Variants in SETBP1 observed in about 807,000 individuals in gnomAD.
The protein encoded by SETBP1 is SET binding protein 1.
In SETBP1, 9 loss-of-function variants were observed where a neutral mutation model predicts 101.0. The observed-to-expected ratio is 0.09, with a 90% CI of 0.05 to 0.16. SETBP1 has a LOEUF of 0.16. Ranked by LOEUF, SETBP1 falls within the 10% of genes least tolerant of loss-of-function variation. The pLI is 1.00. For missense variants in SETBP1, 1,858 were observed against 2,033.8 expected, an observed-to-expected ratio of 0.91 and a Z score of 1.66; for synonymous variants, 818 against 788.5, an observed-to-expected ratio of 1.04 and a Z score of -0.63.
At chr18:44,857,527 C>T (rs1036766100) in intron 2 of SETBP1, among the ~76,000 whole-genome samples, 1 of 136,172 alleles carries the variant, frequency 7.3e-6, no homozygotes, top group Non-Finnish European at 1.6e-5. Context: ...CAAAAGTGAA[C>T]ATTGCCAGTC....
intron 1 of SETBP1, among the ~76,000 whole-genome samples, chr18:44,689,842 G>A (rs1046913866): frequency 1.7e-4 from 26 of 152,334 alleles, no homozygotes; most frequent in African/African-American, 6.3e-4. Flanking sequence ...CAGCAAGACA[G>A]ATGGGATGGT....
At chr18:44,949,357 G>A (rs759053347) in intron 3 of SETBP1, among the ~76,000 whole-genome samples, 3 of 152,212 alleles carry the variant, frequency 2.0e-5, no homozygotes, top group South Asian at 2.1e-4. Flanking sequence ...ACTGGAACAG[G>A]AGGAAGCGAG....
intron 2 of SETBP1, among the ~76,000 whole-genome samples, chr18:44,801,640 T>C (rs2071610233): frequency 6.6e-6 from 1 of 152,222 alleles, no homozygotes; most frequent in Non-Finnish European, 1.5e-5. Flanking sequence ...GGACCATTCA[T>C]GGTTGAATGA....
At chr18:44,831,420 T>G (rs935439492) in intron 2 of SETBP1, among the ~76,000 whole-genome samples, 1 of 152,226 alleles carries the variant, frequency 6.6e-6, no homozygotes, top group Admixed American at 6.5e-5. Flanking sequence ...TTGCTGACCT[T>G]TTCTTCCTTT....
At chr18:44,927,721 T>G (rs1651686976) in intron 3 of SETBP1, among the ~76,000 whole-genome samples, 1 of 152,160 alleles carries the variant, frequency 6.6e-6, no homozygotes, top group African/African-American at 2.4e-5. Flanking sequence ...CAGTGACCTC[T>G]CCCAGACCTG....
intron 5 of SETBP1, among the ~76,000 whole-genome samples, chr18:45,060,802 G>A (rs1296356304): frequency 1.3e-5 from 2 of 151,920 alleles, no homozygotes; most frequent in African/African-American, 4.8e-5. Flanking sequence ...ATTTATTTTG[G>A]CATTTCATTT....
chr18:45,046,998 G>C (rs1464772095), intron 5 of SETBP1, among the ~76,000 whole-genome samples: 1 of 152,210 alleles, frequency 6.6e-6, no homozygotes, highest in Non-Finnish European at 1.5e-5. Flanking sequence ...TGACAGGTTT[G>C]AAAGTGCTGT....
At chr18:44,948,236 G>A (rs1030949070) in intron 3 of SETBP1, among the ~76,000 whole-genome samples, 1 of 152,100 alleles carries the variant, frequency 6.6e-6, no homozygotes, top group Non-Finnish European at 1.5e-5. Context: ...TTCACTTGAG[G>A]AAACTATCTC....
intron 3 of SETBP1, among the ~76,000 whole-genome samples, chr18:44,911,978 C>A (rs1039343225): frequency 1.3e-5 from 2 of 151,958 alleles, no homozygotes; most frequent in African/African-American, 4.8e-5. Context: ...AACTTCAAGG[C>A]AGTAGGTGAC....
chr18:44,952,461 C>G lies in SETBP1; in HGVS notation c.3121C>G (p.Pro1041Ala). 1 of 1,614,072 alleles carries G rather than the reference C, an allele frequency of 6.2e-7. No homozygotes were observed. Among genetic ancestry groups the G allele is most frequent in the African/African-American group, 1.3e-5 (1 of 75,016 alleles). ...KVPFLQGFSY[P>A]IPSGSYYAPY... Reference sequence around the variant, plus strand: ...GCCTTTTTTACAAGGGTTCAGCTACCCTATTCCCAGTGGAAGTTACTATGC... The same window carrying G: ...GCCTTTTTTACAAGGGTTCAGCTACGCTATTCCCAGTGGAAGTTACTATGC... Residue 1041 changes from proline (P) to alanine (A), a missense_variant, in exon 4 of 6, where the codon CCT (proline) becomes GCT (alanine). Physicochemically the swap from Pro to Ala is conservative, Grantham distance 27 (BLOSUM62 -1). Coordinates refer to ENST00000649279, the MANE Select transcript of SETBP1 (RefSeq NM_015559.3).
At chr18:44,799,490 T>C (rs1599143622) in intron 2 of SETBP1, among the ~76,000 whole-genome samples, 1 of 152,314 alleles carries the variant, frequency 6.6e-6, no homozygotes, top group East Asian at 1.9e-4. Context: ...ACTGCACTCT[T>C]GCGCATGTGT....
At chr18:44,796,345 C>A (rs1169070702) in intron 2 of SETBP1, among the ~76,000 whole-genome samples, 1 of 152,172 alleles carries the variant, frequency 6.6e-6, no homozygotes, top group Non-Finnish European at 1.5e-5. Context: ...ACGGTTCCTG[C>A]CTATTGCGCT....
chr18:44,944,447 C>T (rs185573165), intron 3 of SETBP1, among the ~76,000 whole-genome samples: 20 of 152,302 alleles, frequency 1.3e-4, no homozygotes, highest in Admixed American at 1.1e-3. Flanking sequence ...CATCAGAGTT[C>T]TCCTGAGGAG....
chr18:44,990,879 C>G (rs1157306317), intron 4 of SETBP1, among the ~76,000 whole-genome samples: 2 of 132,384 alleles, frequency 1.5e-5, no homozygotes, highest in East Asian at 4.5e-4. Flanking sequence ...AAGTTAGCCA[C>G]TAAACAGATA....
chr18:44,703,348 G>GTTTTTTTTTTTTT (rs531974601), intron 2 of SETBP1, among the ~76,000 whole-genome samples: 12 of 51,446 alleles, frequency 2.3e-4, no homozygotes, highest in Non-Finnish European at 2.9e-4. Flanking sequence ...TTACCATTAG[G>GTTTTTTTTTTTTT]TTTTTTTTTT....
intron 3 of SETBP1, among the ~76,000 whole-genome samples, chr18:44,890,500 G>A (rs1384124109): frequency 1.3e-5 from 2 of 152,116 alleles, no homozygotes; most frequent in African/African-American, 4.8e-5. Flanking sequence ...AGAGGTCAAA[G>A]ATGGAGTATT....
At chr18:45,040,440 A>C (rs571186567) in intron 5 of SETBP1, among the ~76,000 whole-genome samples, 2 of 152,252 alleles carry the variant, frequency 1.3e-5, no homozygotes, top group South Asian at 4.1e-4. Context: ...CTTAAGCAAA[A>C]GATTTGGGCT....
intron 2 of SETBP1, among the ~76,000 whole-genome samples, chr18:44,819,935 G>A (rs373181022): frequency 1.3e-4 from 20 of 152,268 alleles, no homozygotes; most frequent in African/African-American, 4.3e-4. Context: ...AGGTTAGGGC[G>A]AAGAAGGATC....
intron 5 of SETBP1, among the ~76,000 whole-genome samples, chr18:45,059,646 C>T (rs903362625): frequency 5.9e-5 from 9 of 152,120 alleles, no homozygotes; most frequent in African/African-American, 2.2e-4. Flanking sequence ...CATAGGGTAG[C>T]CACTAGCCAC....
Sources: allele counts gnomAD v4.1 joint callset (sites outside exome capture counted in the v4.1 genomes callset), GRCh38; gene constraint gnomAD v4.1.1; transcripts MANE v1.5; gene names NCBI Gene and HGNC (gene_info 2026-07-23, HGNC 2026-07-21).